ITK: variants seen among roughly 807,000 people sequenced by gnomAD.
The protein encoded by ITK is IL2 inducible T cell kinase, also known as tyrosine-protein kinase ITK/TSK.
A neutral mutation model predicts 87.6 loss-of-function variants in ITK; 45 were observed. The ratio of observed to expected loss-of-function variants is 0.51; its 90% CI spans 0.40 to 0.66. The LOEUF is 0.66. Among genes scored for constraint, ITK ranks in the 30% least tolerant of loss-of-function variants. The probability of loss-of-function intolerance (pLI) is 0.00; values close to 1 mark genes in which losing one functional copy is unlikely to be tolerated. For synonymous variants in ITK, 303 were observed against 273.6 expected (o/e 1.11, Z -1.06); for missense variants, 605 against 766.3 (o/e 0.79, Z 2.48).
At chr5:157,241,594 G>A (rs1754899868) in intron 10 of ITK, 52 bp from the exon 11 acceptor site, 12 of 1,231,738 alleles carry the variant, frequency 9.7e-6, no homozygotes, top group Middle Eastern at 1.9e-4. Context: ...AAGTTAGATG[G>A]TTGCTAGAGC....
intron 3 of ITK, 46 bp downstream of exon 3, chr5:157,211,414 A>G: frequency 1.4e-6 from 2 of 1,455,116 alleles, no homozygotes; most frequent in Non-Finnish European, 1.9e-6. Flanking sequence ...TCTTGATCCT[A>G]TAGTAGGGTT....
intron 13 of ITK, 28 bp downstream of exon 13, chr5:157,244,506 A>G (rs1754982955): frequency 2.3e-6 from 3 of 1,280,312 alleles, no homozygotes; most frequent in Non-Finnish European, 1.1e-6. Flanking sequence ...GAACACCCAC[A>G]GGTCCAGGGT....
Position 157,208,941 on chromosome 5 carries a change from A to T in ITK, c.191A>T (p.Glu64Val), listed in dbSNP as rs1360874103. 1 of 1,614,114 alleles carries T rather than the reference A, an allele frequency of 6.2e-7. No individual in the cohort carries two copies. The highest frequency in any genetic ancestry group is 8.5e-7 in the Non-Finnish European group (1 of 1,180,002). The change falls in exon 2 of 17, where the codon GAG becomes GTG. Residue 64 changes from glutamate to valine, a missense_variant. Around this residue, in one of 3 missense-constraint regions of ITK, gnomAD observed 464 missense variants for 578.0 expected, o/e 0.80. Coordinates refer to ENST00000422843, the MANE Select transcript of ITK (RefSeq NM_005546.4). ...SIELSRIKCV[E>V]IVKSDISIPC... ...GAGCTCTCCCGAATCAAATGTGTTG[A>T]GATTGTGAAAAGTGACATCAGCATC... is the stretch of plus-strand genomic sequence containing the variant.
intron 8 of ITK, among the ~76,000 whole-genome samples, chr5:157,237,770 G>A (rs1475880698): frequency 6.6e-6 from 1 of 152,228 alleles, no homozygotes; most frequent in Non-Finnish European, 1.5e-5. Flanking sequence ...GTCATTGGCG[G>A]TTAAGGATAC....
At chr5:157,228,951 G>A (rs1280210941) in intron 7 of ITK, among the ~76,000 whole-genome samples, 1 of 152,132 alleles carries the variant, frequency 6.6e-6, no homozygotes, top group African/African-American at 2.4e-5. Context: ...CGTGTCAGAT[G>A]AGCACAGAAG....
At chr5:157,244,082 T>A (rs1347415838) in intron 12 of ITK, 180 bp from the exon 13 acceptor site, 2 of 701,040 alleles carry the variant, frequency 2.9e-6, no homozygotes, top group Non-Finnish European at 2.5e-6. Context: ...GCTGACTCCT[T>A]GCCATTTTTC....
chr5:157,234,429 G>A (rs1048115895), intron 8 of ITK, among the ~76,000 whole-genome samples: 8 of 152,042 alleles, frequency 5.3e-5, no homozygotes, highest in African/African-American at 1.9e-4. Flanking sequence ...CACTTTTTTT[G>A]TGTGCTGTTT....
intron 1 of ITK, among the ~76,000 whole-genome samples, chr5:157,196,757 C>A (rs1753861971): frequency 6.6e-6 from 1 of 152,158 alleles, no homozygotes; most frequent in Non-Finnish European, 1.5e-5. Context: ...TCCTGAAATG[C>A]AATGAAGTTT....
rs143345209 is a variant in ITK, at chr5:157,184,417, G to A, written c.138+3302G>A. ...TACAAGCCGAGTCCAGCACACCGTC[G>A]GCAAGCCTAAGTACAAATGATCCTT... On this transcript the variant is annotated intron_variant, in intron 1 of 16. Transcript: ENST00000422843. Among the ~76,000 whole-genome samples the A allele has an allele frequency of 3.3e-5, 5 of 152,218 alleles. No individual in the cohort carries two copies. In the East Asian group the frequency reaches 5.8e-4, roughly 18 times the overall value.
chr5:157,233,973 T>A (rs1464241712), intron 8 of ITK, among the ~76,000 whole-genome samples: 220 of 44,168 alleles, frequency 5.0e-3, no homozygotes, highest in East Asian at 0.012. Flanking sequence ...ATTTTTTTTT[T>A]TTTTTTTTTT....
intron 6 of ITK, 136 bp from the exon 7 acceptor site, chr5:157,228,158 AAC>A: frequency 1.5e-6 from 1 of 681,340 alleles, no homozygotes; most frequent in Non-Finnish European, 2.6e-6. Context: ...TTGTATTCTA[AAC>A]TTTAAAATGT....
At chr5:157,185,558 A>T (rs1334617165) in intron 1 of ITK, among the ~76,000 whole-genome samples, 2 of 152,046 alleles carry the variant, frequency 1.3e-5, no homozygotes, top group Admixed American at 1.3e-4. Context: ...TAAAATAATT[A>T]AGCAAGGCCA....
At chr5:157,249,060 C>T (rs1404439010) in intron 16 of ITK, 53 bp downstream of exon 16, 1 of 1,493,896 alleles carries the variant, frequency 6.7e-7, no homozygotes, top group Non-Finnish European at 9.3e-7. Flanking sequence ...TTGAGGACCT[C>T]CCTCCTTCCC....
At chr5:157,247,463 G>A (rs1755045054) in intron 15 of ITK, among the ~76,000 whole-genome samples, 1 of 152,140 alleles carries the variant, frequency 6.6e-6, no homozygotes, top group Admixed American at 6.6e-5. Flanking sequence ...GCAAGCAAGG[G>A]CCCCACAATG....
chr5:157,208,868 G>A (rs757649880), intron 1 of ITK, 21 bp from the exon 2 acceptor site: 15 of 1,512,586 alleles, frequency 9.9e-6, no homozygotes, highest in Non-Finnish European at 1.4e-5. Context: ...ACATGAATGG[G>A]ATGTTCTTCT....
At chr5:157,205,949 A>G (rs34734069) in intron 1 of ITK, among the ~76,000 whole-genome samples, 4,340 of 147,704 alleles carry the variant, frequency 0.029, 69 homozygotes, top group African/African-American at 0.048. Flanking sequence ...CCTAAAGCCT[A>G]CTTGATCATG....
intron 13 of ITK, chr5:157,244,911 T>A (rs1204080416): frequency 4.0e-6 from 1 of 251,344 alleles, no homozygotes; most frequent in East Asian, 9.6e-5. Flanking sequence ...ATTCCCCGTA[T>A]GATTTGTATG....
chr5:157,182,352 G>C (rs1424660291), intron 1 of ITK, among the ~76,000 whole-genome samples: 4 of 152,150 alleles, frequency 2.6e-5, no homozygotes, highest in Non-Finnish European at 5.9e-5. Flanking sequence ...TCCAGAGGAG[G>C]TCAGGCTGGG....
chr5:157,197,749 C>T (rs938353908), intron 1 of ITK, among the ~76,000 whole-genome samples: 22 of 152,204 alleles, frequency 1.4e-4, no homozygotes, highest in African/African-American at 4.6e-4. Flanking sequence ...TGTATGATGA[C>T]GAATTTAACC....
Sources: allele counts gnomAD v4.1 joint callset (sites outside exome capture counted in the v4.1 genomes callset), GRCh38; gene constraint gnomAD v4.1.1; regional missense constraint gnomAD v4.1.1; transcripts MANE v1.5; gene names NCBI Gene and HGNC (gene_info 2026-07-23, HGNC 2026-07-21).